Variants in GNAI1 observed in about 807,000 individuals in gnomAD.
GNAI1 encodes the protein G protein subunit alpha i1, also known as guanine nucleotide-binding protein G(i) subunit alpha-1.
GNAI1 carries 11 observed loss-of-function variants against 38.9 expected under a neutral mutation model. The ratio of observed to expected loss-of-function variants is 0.28; its 90% CI spans 0.18 to 0.47. The LOEUF (loss-of-function observed/expected upper bound fraction) is 0.47, where lower values mean the gene tolerates loss of function less well. Ranked by LOEUF, GNAI1 falls within the 20% of genes least tolerant of loss-of-function variation. The probability of loss-of-function intolerance (pLI) is 0.99; values close to 1 mark genes in which losing one functional copy is unlikely to be tolerated. For synonymous variants in GNAI1, 166 were observed against 145.1 expected (o/e 1.14, Z -1.04); for missense variants, 317 against 436.9 (o/e 0.73, Z 2.45).
intron 1 of GNAI1, among the ~76,000 whole-genome samples, chr7:80,173,445 A>G (rs555246927): frequency 1.3e-5 from 2 of 152,292 alleles, no homozygotes; most frequent in Admixed American, 1.3e-4. Context: ...ATAAGTAGGG[A>G]AAAACTAGAG....
At chr7:80,182,846 T>C (rs2115608613) in intron 1 of GNAI1, among the ~76,000 whole-genome samples, 1 of 152,308 alleles carries the variant, frequency 6.6e-6, no homozygotes, top group South Asian at 2.1e-4. Flanking sequence ...CAAAGCACCT[T>C]TGTCACACAT....
chr7:80,188,161 T>C (rs1788419965), intron 1 of GNAI1, among the ~76,000 whole-genome samples: 1 of 152,226 alleles, frequency 6.6e-6, no homozygotes, highest in Non-Finnish European at 1.5e-5. Flanking sequence ...TTTTTAATAA[T>C]GGTGATCGAA....
intron 1 of GNAI1, among the ~76,000 whole-genome samples, chr7:80,160,648 T>G (rs1011818042): frequency 6.6e-6 from 1 of 152,202 alleles, no homozygotes; most frequent in Non-Finnish European, 1.5e-5. Flanking sequence ...TGCCAGTGTA[T>G]TATCTGTTGT....
intron 5 of GNAI1, among the ~76,000 whole-genome samples, chr7:80,205,658 C>G (rs768987369): frequency 1.3e-5 from 2 of 151,514 alleles, no homozygotes; most frequent in African/African-American, 2.4e-5. Flanking sequence ...TTTACAAGAC[C>G]GTGTATATAT....
In GNAI1 at chr7:80,220,127, AAGTT is replaced by A. The variant is rs1460010495; in HGVS notation, c.*2637_*2640del. On this transcript the variant is annotated 3_prime_UTR_variant, in exon 8 of 8. Transcript: ENST00000649796. Reference sequence around the variant, plus strand: ...CTGATTTGTCAATAAAATTAAGTATAAGTTAGCCTGCCATTTAATGCTCTTCATC... The same window carrying A: ...CTGATTTGTCAATAAAATTAAGTATAAGCCTGCCATTTAATGCTCTTCATC... 2.6e-5 allele frequency among the ~76,000 whole-genome samples: 4 copies of A among 152,160 alleles called. No individual in the cohort carries two copies. The highest frequency in any genetic ancestry group is 5.9e-5 in the Non-Finnish European group (4 of 68,028).
chr7:80,216,380 C>T (rs1236243792), intron 7 of GNAI1, among the ~76,000 whole-genome samples: 1 of 152,090 alleles, frequency 6.6e-6, no homozygotes, highest in Admixed American at 6.6e-5. Flanking sequence ...ACTGATTACT[C>T]ACTGATAATC....
chr7:80,219,889 T>C lies in GNAI1; in HGVS notation c.*2396T>C, dbSNP rs566963260. ...ATTCCTAATCTCCATTTCAATTTAC[T>C]GACAGTTCTACAAAGCCTTAAATCT... On this transcript the variant is annotated 3_prime_UTR_variant, in exon 8 of 8. Coordinates refer to ENST00000649796, the MANE Select transcript of GNAI1 (RefSeq NM_002069.6). Among the ~76,000 whole-genome samples the C allele has an allele frequency of 1.7e-3, 258 of 152,306 alleles. 1 individual carries two copies. The highest frequency in any genetic ancestry group is 6.0e-3 in the African/African-American group (250 of 41,584).
chr7:80,188,855 GGTGT>G (rs148159852), intron 1 of GNAI1, 92 bp from the exon 2 acceptor site: 413 of 691,976 alleles, frequency 6.0e-4, no homozygotes, highest in South Asian at 1.9e-3. Context: ...AGAGAGACTG[GGTGT>G]GTGTGTGTGT....
chr7:80,156,351 T>C (rs1186348028), intron 1 of GNAI1, among the ~76,000 whole-genome samples: 2 of 152,200 alleles, frequency 1.3e-5, no homozygotes, highest in African/African-American at 4.8e-5. Flanking sequence ...AAGATTTCCT[T>C]TTGCAAGGTG....
Position 80,219,748 on chromosome 7 carries a change from G to A in GNAI1, c.*2255G>A, listed in dbSNP as rs1408770932. Among the ~76,000 whole-genome samples the A allele has an allele frequency of 6.6e-6, 1 of 152,020 alleles. No individual in the cohort carries two copies. The highest frequency in any genetic ancestry group is 1.5e-5 in the Non-Finnish European group (1 of 67,996). ...CTTTTTAGTTTAAGTTCTGGGATAC[G>A]TGTGCTGAACATGCAGGTTGGTTAC... On this transcript the variant is annotated 3_prime_UTR_variant, in exon 8 of 8. Coordinates refer to ENST00000649796, the MANE Select transcript of GNAI1 (RefSeq NM_002069.6).
intron 5 of GNAI1, among the ~76,000 whole-genome samples, chr7:80,205,820 A>G (rs945547198): frequency 1.8e-4 from 27 of 152,130 alleles, no homozygotes; most frequent in African/African-American, 6.0e-4. Flanking sequence ...CCATGTCGTT[A>G]TTGAAATTAT....
At chr7:80,171,810 T>C (rs955026683) in intron 1 of GNAI1, among the ~76,000 whole-genome samples, 9 of 152,334 alleles carry the variant, frequency 5.9e-5, no homozygotes, top group African/African-American at 2.2e-4. Flanking sequence ...AGACATCTTA[T>C]TTACACTAGT....
At chr7:80,205,665 A>G (rs1788762214) in intron 5 of GNAI1, among the ~76,000 whole-genome samples, 1 of 152,060 alleles carries the variant, frequency 6.6e-6, no homozygotes, top group Admixed American at 6.6e-5. Flanking sequence ...GACCGTGTAT[A>G]TATCTAACTT....
At chr7:80,200,454 T>A (rs867628385) in intron 4 of GNAI1, among the ~76,000 whole-genome samples, 1 of 152,124 alleles carries the variant, frequency 6.6e-6, no homozygotes, top group Non-Finnish European at 1.5e-5. Context: ...ATGATATGTA[T>A]TGCTCTTAAA....
intron 1 of GNAI1, among the ~76,000 whole-genome samples, chr7:80,143,545 C>T (rs1787564352): frequency 6.6e-6 from 1 of 151,790 alleles, no homozygotes; most frequent in Non-Finnish European, 1.5e-5. Flanking sequence ...AATTTTTTTC[C>T]CCTCCAAGGT....
Position 80,143,974 on chromosome 7 carries a change from A to G in GNAI1, c.118+8696A>G, listed in dbSNP as rs138117623. Among the ~76,000 whole-genome samples the G allele has an allele frequency of 3.1e-3, 467 of 151,958 alleles. 3 individuals carry two copies. Among genetic ancestry groups the G allele is most frequent in the African/African-American group, 0.011 (439 of 41,470 alleles). On this transcript the variant is annotated intron_variant, in intron 1 of 7. Transcript: ENST00000649796. Reference sequence around the variant, plus strand: ...CATATATGTGTGTGTGTGTATATATATAGTGAAGACTTCAAGAAGTATAAA... The same window carrying G: ...CATATATGTGTGTGTGTGTATATATGTAGTGAAGACTTCAAGAAGTATAAA...
At chr7:80,207,624 G>A (rs1416902915) in intron 5 of GNAI1, among the ~76,000 whole-genome samples, 1 of 152,050 alleles carries the variant, frequency 6.6e-6, no homozygotes, top group Non-Finnish European at 1.5e-5. Context: ...TAGGTTACAT[G>A]AGCCTCAGAT....
In GNAI1 at chr7:80,169,250, T is replaced by G. The variant is rs143488871; in HGVS notation, c.119-19701T>G. ...CTTGCCTCTGCTCTCTTTAATAAAG[T>G]TCTGTTGTGACTGTTAAAAGGCCTA... On this transcript the variant is annotated intron_variant, in intron 1 of 7. Coordinates refer to ENST00000649796, the MANE Select transcript of GNAI1 (RefSeq NM_002069.6). Among the ~76,000 whole-genome samples the G allele has an allele frequency of 2.9e-3, 446 of 152,302 alleles. 3 individuals are homozygous for G. Among genetic ancestry groups the G allele is most frequent in the African/African-American group, 9.6e-3 (400 of 41,568 alleles).
At position 80,218,608 on chromosome 7, in the gene GNAI1, T is replaced by G. The variant is rs1039531849; in HGVS notation, c.*1115T>G. The G allele has an allele frequency of 5.3e-5, 8 of 152,276 alleles. No homozygotes were observed. The highest frequency in any genetic ancestry group is 3.3e-4 in the Admixed American group (5 of 15,290). The allele number at this position is 152,276 out of a possible 1,614,324, so 9.4% of individuals were successfully genotyped here. A position where few individuals can be genotyped will look rare whatever the true frequency, so the allele number is the denominator to read the frequency against. On this transcript the variant is annotated 3_prime_UTR_variant, in exon 8 of 8. Transcript: ENST00000649796. ...TGCTGATATAATGCAAGATTTAAATTTATACATATAACTAATTTCAAATGT... is the reference window on the plus strand; with the variant it reads ...TGCTGATATAATGCAAGATTTAAATGTATACATATAACTAATTTCAAATGT...
Sources: allele counts gnomAD v4.1 joint callset (sites outside exome capture counted in the v4.1 genomes callset), GRCh38; gene constraint gnomAD v4.1.1; transcripts MANE v1.5; gene names NCBI Gene and HGNC (gene_info 2026-07-23, HGNC 2026-07-21).